Variants in IKZF3 observed in about 807,000 individuals in gnomAD.
IKZF3 encodes the protein zinc finger protein Aiolos.
A neutral mutation model predicts 49.0 loss-of-function variants in IKZF3; 10 were observed. The observed-to-expected ratio is 0.20, with a 90% confidence interval of 0.13 to 0.35. The LOEUF (loss-of-function observed/expected upper bound fraction) is 0.35, where lower values mean the gene tolerates loss of function less well. Among genes scored for constraint, IKZF3 ranks in the 10% least tolerant of loss-of-function variants. The pLI, the probability that IKZF3 is intolerant of heterozygous loss-of-function variation, is 1.00. For missense variants in IKZF3, 498 were observed against 664.8 expected, an observed-to-expected ratio of 0.75 and a Z score of 2.76; for synonymous variants, 209 against 228.2, an observed-to-expected ratio of 0.92 and a Z score of 0.76.
rs758723931 is a variant in IKZF3 at position 39,766,249 on chromosome 17, T to G, written c.1071A>C (p.Gln357His). The G allele has an allele frequency of 5.0e-6, 8 of 1,614,164 alleles. No individual in the cohort carries two copies. The highest frequency in any genetic ancestry group is 6.8e-6 in the Non-Finnish European group (8 of 1,180,024). ...TRAEMSNGAPQELEKKSIHLP... is the reference protein window; with the variant it reads ...TRAEMSNGAPHELEKKSIHLP... ...GGTGGATGCTTTTCTTTTCCAGCTC[T>G]TGAGGGGCACCGTTTGACATCTCAG... is the stretch of plus-strand genomic sequence containing the variant. The change falls in exon 8 of 8, where the codon CAA becomes CAC. Residue 357 changes from glutamine to histidine, a missense_variant. Gln to His is a conservative substitution (Grantham distance 24). Transcript: ENST00000346872.
intron 3 of IKZF3, among the ~76,000 whole-genome samples, chr17:39,816,484 C>T (rs1036528380): frequency 1.3e-5 from 2 of 152,188 alleles, no homozygotes; most frequent in East Asian, 1.9e-4. Context: ...TACAAAGCCA[C>T]TCACATTCAT....
chr17:39,765,891 G>A lies in IKZF3; in HGVS notation c.1429C>T (p.Arg477Cys), dbSNP rs2143561276. The A allele has an allele frequency of 6.2e-7, 1 of 1,614,264 alleles. No homozygotes were observed. The highest frequency in any genetic ancestry group is 1.1e-5 in the South Asian group (1 of 91,092). Residue 477 changes from arginine (R) to cysteine (C), a missense_variant, in exon 8 of 8, where the codon CGT becomes TGT. Physicochemically the swap from Arg to Cys is radical, Grantham distance 180. This residue lies in a region of IKZF3 where 317 missense variants were observed against 397.3 expected (regional missense o/e 0.80). Transcript: ENST00000346872. Reference protein sequence around the residue: ...FTIHMGCHGFRDPFECNMCGY... With the variant: ...FTIHMGCHGFCDPFECNMCGY... ...CACATGTTACACTCGAAAGGGTCACGGAAGCCGTGGCAGCCCATGTGAATC... is the reference window on the plus strand; with the variant it reads ...CACATGTTACACTCGAAAGGGTCACAGAAGCCGTGGCAGCCCATGTGAATC...
chr17:39,847,622 C>A (rs1346491236), intron 1 of IKZF3, among the ~76,000 whole-genome samples: 1 of 152,074 alleles, frequency 6.6e-6, no homozygotes, highest in Non-Finnish European at 1.5e-5. Context: ...TCTTCTGAAC[C>A]CGTTTTTGTT....
At chr17:39,815,906 C>A (rs966545396) in intron 3 of IKZF3, among the ~76,000 whole-genome samples, 2 of 152,140 alleles carry the variant, frequency 1.3e-5, no homozygotes, top group African/African-American at 2.4e-5. Flanking sequence ...GTTAGGGCTT[C>A]TTTTTTCAAA....
chr17:39,847,750 C>G (rs537241719), intron 1 of IKZF3, among the ~76,000 whole-genome samples: 4 of 152,230 alleles, frequency 2.6e-5, no homozygotes, highest in African/African-American at 9.6e-5. Flanking sequence ...TTATTATTTT[C>G]CCCATTTTAC....
At chr17:39,809,759 G>A (rs934830807) in intron 3 of IKZF3, among the ~76,000 whole-genome samples, 1 of 152,132 alleles carries the variant, frequency 6.6e-6, no homozygotes, top group African/African-American at 2.4e-5. Flanking sequence ...AAAAGAAAAG[G>A]CCTCTGAATA....
intron 1 of IKZF3, among the ~76,000 whole-genome samples, chr17:39,862,645 T>C (rs976943519): frequency 1.3e-5 from 2 of 152,156 alleles, no homozygotes; most frequent in Admixed American, 6.5e-5. Flanking sequence ...TAATCTATAC[T>C]ATCTATCTCC....
rs546201908 is a variant in IKZF3, at chr17:39,864,193, G to T, written c.-67C>A. The T allele has an allele frequency of 9.6e-4, 1,496 of 1,565,660 alleles. 2 individuals are homozygous for T. Among genetic ancestry groups the T allele is most frequent in the Non-Finnish European group, 8.7e-4 (1,001 of 1,153,594 alleles). ...GGCCTCTCCACGTGCTCCTGCCGTC[G>T]CCTGGACTCAGCGCGCAGCTGGCGG... On this transcript the variant is annotated 5_prime_UTR_variant, in exon 1 of 8. Coordinates refer to ENST00000346872, the MANE Select transcript of IKZF3 (RefSeq NM_012481.5).
intron 3 of IKZF3, among the ~76,000 whole-genome samples, chr17:39,800,836 C>T (rs949681945): frequency 3.9e-5 from 6 of 152,264 alleles, no homozygotes; most frequent in Non-Finnish European, 8.8e-5. Flanking sequence ...TGGAAAGGAT[C>T]CAACATCTAA....
intron 2 of IKZF3, 115 bp from the exon 3 acceptor site, chr17:39,829,603 T>TA (rs2062053850): frequency 1.4e-6 from 1 of 692,772 alleles, no homozygotes. Flanking sequence ...TAGTGACAGA[T>TA]AGTACCCCTT....
chr17:39,811,732 G>T (rs1324705099), intron 3 of IKZF3, among the ~76,000 whole-genome samples: 3 of 152,182 alleles, frequency 2.0e-5, no homozygotes, highest in East Asian at 3.8e-4. Flanking sequence ...CACTGCAGGG[G>T]ATAAATGGAT....
At position 39,758,936 on chromosome 17, in the gene IKZF3, A is replaced by G. The variant is rs1188622123; in HGVS notation, c.*6854T>C. The G allele has an allele frequency of 6.6e-6, 1 of 150,640 alleles. No individual in the cohort carries two copies. The highest frequency in any genetic ancestry group is 1.5e-5 in the Non-Finnish European group (1 of 67,828). 9.3% of individuals were successfully genotyped at this position (150,640 alleles called of 1,614,324 possible). On this transcript the variant is annotated 3_prime_UTR_variant, in exon 8 of 8. Coordinates refer to ENST00000346872, the MANE Select transcript of IKZF3 (RefSeq NM_012481.5). Reference sequence around the variant, plus strand: ...CTGAAAATTTACAATCATCCAACATAATGCACACCACCCCTCAAAGGTAAC... The same window carrying G: ...CTGAAAATTTACAATCATCCAACATGATGCACACCACCCCTCAAAGGTAAC...
rs571431659 is a variant in IKZF3 at position 39,809,505 on chromosome 17, C to T, written c.164-16572G>A. ...CTTCATTCACCTGCTGTGTGTGTGA[C>T]GCTTTAAAATCCAAAGCTTTGAAAG... On this transcript the variant is annotated intron_variant, in intron 3 of 7. Coordinates refer to ENST00000346872, the MANE Select transcript of IKZF3 (RefSeq NM_012481.5). 4.0e-4 allele frequency among the ~76,000 whole-genome samples: 61 copies of T among 152,314 alleles called. No homozygotes were observed. The Middle Eastern group carries it at 0.017, about 42-fold the overall frequency.
intron 3 of IKZF3, among the ~76,000 whole-genome samples, chr17:39,811,646 C>T (rs1425695054): frequency 1.3e-5 from 2 of 152,146 alleles, no homozygotes; most frequent in African/African-American, 4.8e-5. Flanking sequence ...TAAAAGACCC[C>T]AATGCCAAAA....
intron 6 of IKZF3, among the ~76,000 whole-genome samples, chr17:39,783,121 C>T (rs1041138507): frequency 6.6e-6 from 1 of 152,068 alleles, no homozygotes; most frequent in East Asian, 1.9e-4. Context: ...TTAAGTGGAG[C>T]TTAAATAAGA....
chr17:39,835,775 A>G (rs2062259528), intron 1 of IKZF3: 1 of 512,372 alleles, frequency 2.0e-6, no homozygotes, highest in Admixed American at 2.2e-5. Context: ...GTAAGACTCC[A>G]TCCAGCTCCA....
At chr17:39,780,016 T>G (rs1284101433) in intron 6 of IKZF3, among the ~76,000 whole-genome samples, 1 of 152,124 alleles carries the variant, frequency 6.6e-6, no homozygotes, top group African/African-American at 2.4e-5. Flanking sequence ...CTGGGCAATA[T>G]AGCAAGATCC....
intron 7 of IKZF3, among the ~76,000 whole-genome samples, chr17:39,773,137 C>T (rs1358781878): frequency 3.9e-5 from 6 of 152,168 alleles, no homozygotes; most frequent in Non-Finnish European, 7.4e-5. Flanking sequence ...TTTCAATGAC[C>T]AGACTCCTTG....
intron 3 of IKZF3, among the ~76,000 whole-genome samples, chr17:39,795,058 A>C (rs2061127974): frequency 6.6e-6 from 1 of 152,232 alleles, no homozygotes; most frequent in South Asian, 2.1e-4. Flanking sequence ...ATGGTCACTG[A>C]ACTTTAAAAT....
Sources: gnomAD v4.1 joint callset for allele counts (sites outside exome capture counted in the v4.1 genomes callset) on GRCh38, gnomAD v4.1.1 for gene constraint, gnomAD v4.1.1 regional missense constraint, MANE v1.5 for transcripts, NCBI Gene and HGNC (gene_info 2026-07-23, HGNC 2026-07-21) for gene names.